Variants in TBX15 observed in about 807,000 individuals in gnomAD.
The protein encoded by TBX15 is T-box transcription factor 15, also known as T-box transcription factor TBX15.
Under a neutral mutation model 53.9 loss-of-function variants are expected in TBX15, and 18 were observed. That is an observed-to-expected ratio of 0.33 (90% CI 0.23 to 0.49). TBX15 has a LOEUF of 0.49. TBX15 is among the 20% of genes least tolerant of loss of function. The pLI is 0.98. For synonymous variants in TBX15, 295 were observed against 278.0 expected (o/e 1.06, Z -0.61); for missense variants, 692 against 749.5 (o/e 0.92, Z 0.90).
At chr1:118,924,889 T>G in intron 3 of TBX15, 72 bp from the exon 4 acceptor site, 1 of 1,546,966 alleles carries the variant, frequency 6.5e-7, no homozygotes. Context: ...GGAAACAAGT[T>G]GAGACAGGGG....
At chr1:118,893,521 AGAAAGAAG>A (rs1362245812) in intron 7 of TBX15, among the ~76,000 whole-genome samples, 1 of 130,996 alleles carries the variant, frequency 7.6e-6, no homozygotes, top group Non-Finnish European at 1.6e-5. Flanking sequence ...AAAGAAAGAA[AGAAAGAAG>A]GAAAGAAAGA....
intron 1 of TBX15, among the ~76,000 whole-genome samples, chr1:118,946,210 G>A (rs924354461): frequency 6.6e-6 from 1 of 152,042 alleles, no homozygotes; most frequent in East Asian, 1.9e-4. Flanking sequence ...TGCTATACTT[G>A]TACATTTTAA....
rs1425581170 is a variant in TBX15, at chr1:118,987,860, G to T, written c.-65C>A. The T allele has an allele frequency of 1.4e-5, 21 of 1,530,992 alleles. No individual in the cohort carries two copies. The African/African-American group carries it at 2.6e-4, about 19-fold the overall frequency. 94.8% of individuals were successfully genotyped at this position (1,530,992 alleles called of 1,614,324 possible). A position where few individuals can be genotyped will look rare whatever the true frequency, so the allele number is the denominator to read the frequency against. On this transcript the variant is annotated 5_prime_UTR_variant, in exon 1 of 8. Coordinates refer to ENST00000369429, the MANE Select transcript of TBX15 (RefSeq NM_001330677.2). ...CCGAGGGAGCAGCCGGCGCCCTCAA[G>T]CTCTGAGCGCCCACCGGGCCCGGCC...
intron 6 of TBX15, among the ~76,000 whole-genome samples, chr1:118,901,110 A>G (rs1481957297): frequency 6.6e-6 from 1 of 152,164 alleles, no homozygotes; most frequent in Non-Finnish European, 1.5e-5. Context: ...AATGAACTTC[A>G]TTTTCTATCC....
chr1:118,939,423 A>AAAAAAAG (rs1656081767), intron 1 of TBX15, among the ~76,000 whole-genome samples: 1 of 118,770 alleles, frequency 8.4e-6, no homozygotes, highest in African/African-American at 3.4e-5. Flanking sequence ...AAAAAAAAAA[A>AAAAAAAG]AAAAAAAAAA....
chr1:118,924,598 A>C, intron 4 of TBX15, 48 bp downstream of exon 4: 1 of 1,612,010 alleles, frequency 6.2e-7, no homozygotes, highest in Non-Finnish European at 8.5e-7. Context: ...GCTCTAAAGC[A>C]AACAGAGGAA....
chr1:118,929,485 T>C (rs1439159648), intron 2 of TBX15, among the ~76,000 whole-genome samples: 1 of 152,170 alleles, frequency 6.6e-6, no homozygotes, highest in Admixed American at 6.5e-5. Flanking sequence ...TGTTTCAGAA[T>C]TACCTGAGAA....
chr1:118,885,334 C>T lies in TBX15; in HGVS notation c.1207G>A (p.Ala403Thr), dbSNP rs1367670521. 1.2e-6 allele frequency: 2 copies of T among 1,613,998 alleles called. No homozygotes were observed. Among genetic ancestry groups the T allele is most frequent in the Admixed American group, 3.3e-5 (2 of 60,016 alleles). ...NLNLSDYPPC[A>T]RSNMAALQSY... ...TGCAAGGCAGCCATGTTGCTTCGGG[C>T]ACATGGTGGATAATCAGAGAGGTTT... is the stretch of plus-strand genomic sequence containing the variant. Residue 403 changes from alanine (A) to threonine (T), a missense_variant, in exon 8 of 8, where the codon GCC becomes ACC. Transcript: ENST00000369429.
chr1:118,984,822 T>C (rs149551671), intron 1 of TBX15, among the ~76,000 whole-genome samples: 2,615 of 152,152 alleles, frequency 0.017, 31 homozygotes, highest in South Asian at 0.048. Context: ...GTGGAGTGAG[T>C]GCCTACAACG....
chr1:118,890,125 C>T (rs1654088719), intron 7 of TBX15, among the ~76,000 whole-genome samples: 2 of 152,174 alleles, frequency 1.3e-5, no homozygotes, highest in Admixed American at 1.3e-4. Context: ...CTAGAGGAAC[C>T]TCCATCACTG....
chr1:118,915,404 A>C (rs973295835), intron 5 of TBX15, among the ~76,000 whole-genome samples: 1 of 152,342 alleles, frequency 6.6e-6, no homozygotes, highest in Non-Finnish European at 1.5e-5. Context: ...CTTTCAAAGC[A>C]ATGTGAGATT....
intron 6 of TBX15, among the ~76,000 whole-genome samples, chr1:118,905,829 T>C (rs1392971732): frequency 6.6e-6 from 1 of 152,220 alleles, no homozygotes; most frequent in East Asian, 1.9e-4. Flanking sequence ...GCTGGTTGAA[T>C]TAAAGACAAG....
chr1:118,929,767 A>C (rs1194781279), intron 2 of TBX15, among the ~76,000 whole-genome samples: 1 of 152,220 alleles, frequency 6.6e-6, no homozygotes, highest in East Asian at 1.9e-4. Flanking sequence ...GGAATAACGA[A>C]GTGATATCAG....
chr1:118,979,886 A>C (rs968899051), intron 1 of TBX15, among the ~76,000 whole-genome samples: 116 of 152,244 alleles, frequency 7.6e-4, no homozygotes, highest in Non-Finnish European at 6.3e-4. Context: ...GCGCGAGAAC[A>C]GGAACTCGGG....
intron 3 of TBX15, 114 bp from the exon 4 acceptor site, chr1:118,924,931 T>G: frequency 1.8e-6 from 2 of 1,132,460 alleles, no homozygotes; most frequent in South Asian, 2.5e-5. Flanking sequence ...ATTACATGAA[T>G]GGAGAAGTAA....
chr1:118,922,929 G>A (rs1230154250), intron 5 of TBX15, among the ~76,000 whole-genome samples: 2 of 73,232 alleles, frequency 2.7e-5, no homozygotes, highest in African/African-American at 8.9e-5. Context: ...GCCTTCATCA[G>A]AAACTATTTT....
intron 5 of TBX15, among the ~76,000 whole-genome samples, chr1:118,918,380 G>A (rs2101576187): frequency 6.6e-6 from 1 of 152,200 alleles, no homozygotes; most frequent in South Asian, 2.1e-4. Context: ...GATGATGTGA[G>A]AGCCAGGGAT....
intron 1 of TBX15, among the ~76,000 whole-genome samples, chr1:118,936,795 G>T (rs550486637): frequency 6.6e-6 from 1 of 152,128 alleles, no homozygotes; most frequent in Admixed American, 6.6e-5. Context: ...CATTATTGAT[G>T]CCAGAGTCCA....
chr1:118,937,902 G>T (rs1271123358), intron 1 of TBX15, among the ~76,000 whole-genome samples: 1 of 152,076 alleles, frequency 6.6e-6, no homozygotes, highest in Non-Finnish European at 1.5e-5. Context: ...TTCACAGAAG[G>T]GCAAATACCA....
Sources: allele counts gnomAD v4.1 joint callset (sites outside exome capture counted in the v4.1 genomes callset), GRCh38; gene constraint gnomAD v4.1.1; transcripts MANE v1.5; gene names NCBI Gene and HGNC (gene_info 2026-07-23, HGNC 2026-07-21).